Variants in BNC2 observed in about 807,000 individuals in gnomAD.
The protein encoded by BNC2 is basonuclin zinc finger protein 2, also known as zinc finger protein basonuclin-2.
BNC2 carries 20 observed loss-of-function variants against 76.3 expected under a neutral mutation model. The observed-to-expected ratio is 0.26, with a 90% CI of 0.18 to 0.38. BNC2 has a LOEUF of 0.38. Among genes scored for constraint, BNC2 ranks in the 10% least tolerant of loss-of-function variants. BNC2 has a pLI of 1.00. For synonymous variants in BNC2, 582 were observed against 514.8 expected, an observed-to-expected ratio of 1.13 and a Z score of -1.77; for missense variants, 1,382 against 1,399.8, an observed-to-expected ratio of 0.99 and a Z score of 0.20.
intron 1 of BNC2, among the ~76,000 whole-genome samples, chr9:16,847,421 G>A (rs1315611854): frequency 1.1e-4 from 9 of 85,660 alleles, no homozygotes; most frequent in African/African-American, 4.0e-4. Context: ...GGGGCGGCGG[G>A]CAACAACCCT....
intron 1 of BNC2, among the ~76,000 whole-genome samples, chr9:16,788,553 A>C (rs1253025471): frequency 9.9e-6 from 1 of 100,538 alleles, no homozygotes; most frequent in African/African-American, 4.2e-5. Flanking sequence ...ACTCCTTCTC[A>C]AAAAAAAAAA....
At chr9:16,811,070 T>C (rs1241541897) in intron 1 of BNC2, among the ~76,000 whole-genome samples, 1 of 151,284 alleles carries the variant, frequency 6.6e-6, no homozygotes, top group African/African-American at 2.4e-5. Context: ...TACAAAAAAT[T>C]AGCCAGGCAT....
At chr9:16,540,156 A>ATT (rs36075261) in intron 5 of BNC2, among the ~76,000 whole-genome samples, 103 of 118,436 alleles carry the variant, frequency 8.7e-4, no homozygotes, top group African/African-American at 1.8e-3. Context: ...ATTTAACGTG[A>ATT]TTTTTTTTTT....
At chr9:16,619,232 A>G (rs989544496) in intron 3 of BNC2, among the ~76,000 whole-genome samples, 4 of 152,186 alleles carry the variant, frequency 2.6e-5, no homozygotes, top group African/African-American at 9.7e-5. Flanking sequence ...AAATATGTAC[A>G]CCATCAATGT....
intron 1 of BNC2, among the ~76,000 whole-genome samples, chr9:16,794,819 C>T (rs897896933): frequency 2.0e-5 from 3 of 152,100 alleles, no homozygotes; most frequent in Admixed American, 2.0e-4. Context: ...AAAAAATTAG[C>T]TGTCCTTTTT....
Position 16,526,467 on chromosome 9 carries a change from CTTTTTTTTTTTTT to C in BNC2, c.669+26050_669+26062del, listed in dbSNP as rs144511624. ...GATTACTTCCCAACATAGTTTAATGCTTTTTTTTTTTTTTTTTTTTTTTTTTGCCTTGTGATTC... is the reference window on the plus strand; with the variant it reads ...GATTACTTCCCAACATAGTTTAATGCTTTTTTTTTTTTTGCCTTGTGATTC... On this transcript the variant is annotated intron_variant, in intron 5 of 6. Transcript: ENST00000380672. Among the ~76,000 whole-genome samples, 45 of 48,820 alleles carry C rather than the reference CTTTTTTTTTTTTT, an allele frequency of 9.2e-4. 1 individual carries two copies. The highest frequency in any genetic ancestry group is 1.3e-3 in the East Asian group (2 of 1,530). 32.0% of individuals were successfully genotyped at this position (48,820 alleles called of 152,430 possible).
At chr9:16,555,291 G>A (rs1807023) in intron 4 of BNC2, among the ~76,000 whole-genome samples, 28,396 of 151,936 alleles carry the variant, frequency 0.19, 4,656 homozygotes, top group African/African-American at 0.44. Flanking sequence ...CCAAAGTGCC[G>A]GGATTACAGG....
At chr9:16,820,321 G>A (rs1320361970) in intron 1 of BNC2, among the ~76,000 whole-genome samples, 2 of 151,828 alleles carry the variant, frequency 1.3e-5, no homozygotes. Context: ...AGCTACTCAG[G>A]AGGCTGAGGC....
intron 3 of BNC2, among the ~76,000 whole-genome samples, chr9:16,643,305 CA>C (rs34196473): frequency 0.59 from 71,404 of 121,412 alleles, 19,259 homozygotes; most frequent in African/African-American, 0.73. Flanking sequence ...GACTCTGTCT[CA>C]AAAAAAAAAA....
chr9:16,696,489 C>T (rs903350626), intron 3 of BNC2, among the ~76,000 whole-genome samples: 5 of 152,092 alleles, frequency 3.3e-5, no homozygotes, highest in African/African-American at 1.2e-4. Flanking sequence ...TTCCTGATAC[C>T]TTTGGATGAA....
At chr9:16,700,931 G>T (rs1427781353) in intron 3 of BNC2, among the ~76,000 whole-genome samples, 1 of 152,102 alleles carries the variant, frequency 6.6e-6, no homozygotes, top group Non-Finnish European at 1.5e-5. Context: ...TCTGTCTCAA[G>T]AATAAATAAA....
At chr9:16,765,744 A>C (rs1050682251) in intron 1 of BNC2, among the ~76,000 whole-genome samples, 2 of 152,072 alleles carry the variant, frequency 1.3e-5, no homozygotes, top group Non-Finnish European at 2.9e-5. Flanking sequence ...ATGTGAAGTC[A>C]AAAAACTTAC....
chr9:16,868,635 C>G (rs922442161), intron 1 of BNC2, among the ~76,000 whole-genome samples: 1 of 152,174 alleles, frequency 6.6e-6, no homozygotes, highest in African/African-American at 2.4e-5. Flanking sequence ...TTATTACTTC[C>G]CTCAGGTAAA....
intron 6 of BNC2, among the ~76,000 whole-genome samples, chr9:16,421,039 C>T (rs76144741): frequency 0.015 from 2,281 of 152,228 alleles, 49 homozygotes; most frequent in African/African-American, 0.049. Context: ...CAACAGACCT[C>T]CCGATTATAC....
chr9:16,635,613 G>A (rs1821299980), intron 3 of BNC2, among the ~76,000 whole-genome samples: 1 of 152,126 alleles, frequency 6.6e-6, no homozygotes. Flanking sequence ...AGATTTTTGT[G>A]TGTATGCAAA....
chr9:16,850,884 G>C (rs1331019913), intron 1 of BNC2, among the ~76,000 whole-genome samples: 1 of 152,036 alleles, frequency 6.6e-6, no homozygotes, highest in Non-Finnish European at 1.5e-5. Context: ...GACTTTTGAA[G>C]ATTCAGAAAA....
At chr9:16,774,316 A>G (rs1825907217) in intron 1 of BNC2, among the ~76,000 whole-genome samples, 1 of 152,182 alleles carries the variant, frequency 6.6e-6, no homozygotes, top group Non-Finnish European at 1.5e-5. Context: ...TACAACTACT[A>G]TTCGTTACAT....
chr9:16,654,093 A>G (rs1821863949), intron 3 of BNC2, among the ~76,000 whole-genome samples: 1 of 152,206 alleles, frequency 6.6e-6, no homozygotes. Context: ...TCAGAGGGAC[A>G]AAGTGCAGGC....
intron 2 of BNC2, among the ~76,000 whole-genome samples, chr9:16,735,233 C>G (rs756781315): frequency 1.3e-5 from 2 of 152,016 alleles, no homozygotes; most frequent in African/African-American, 2.4e-5. Context: ...AAAGGTCAAA[C>G]ATTTTACCTA....
Sources: gnomAD v4.1 joint callset for allele counts (sites outside exome capture counted in the v4.1 genomes callset) on GRCh38, gnomAD v4.1.1 for gene constraint, MANE v1.5 for transcripts, NCBI Gene and HGNC (gene_info 2026-07-23, HGNC 2026-07-21) for gene names.